SEMA6D: variants seen among roughly 807,000 people sequenced by gnomAD.
SEMA6D encodes the protein semaphorin-6D.
In SEMA6D, 35 loss-of-function variants were observed where a neutral mutation model predicts 106.6. The ratio of observed to expected loss-of-function variants is 0.33; its 90% CI spans 0.25 to 0.44. The LOEUF (loss-of-function observed/expected upper bound fraction) is 0.44, where lower values mean the gene tolerates loss of function less well. Among genes scored for constraint, SEMA6D ranks in the 20% least tolerant of loss-of-function variants. SEMA6D has a pLI of 1.00. For missense variants in SEMA6D, 1,185 were observed against 1,345.9 expected (o/e 0.88, Z 1.87); for synonymous variants, 499 against 487.7 (o/e 1.02, Z -0.31).
chr15:47,229,567 A>G lies in SEMA6D; in HGVS notation c.-239+45149A>G, dbSNP rs1441016755. Among the ~76,000 whole-genome samples the G allele has an allele frequency of 2.7e-5, 4 of 150,184 alleles. No homozygotes were observed. In the Admixed American group the frequency reaches 2.7e-4, roughly 10 times the overall value. ...CTTTATTTCCCATTTGTCTGCTGTCATTTGTCCAGACTCTATACTTTATAT... is the reference window on the plus strand; with the variant it reads ...CTTTATTTCCCATTTGTCTGCTGTCGTTTGTCCAGACTCTATACTTTATAT... On this transcript the variant is annotated intron_variant, in intron 1 of 19. Coordinates refer to the SEMA6D transcript ENST00000558014.
chr15:47,526,460 T>G (rs1195892205), intron 3 of SEMA6D, among the ~76,000 whole-genome samples: 3 of 152,190 alleles, frequency 2.0e-5, no homozygotes, highest in African/African-American at 7.2e-5. Context: ...GGGGCACTAC[T>G]GGGAACCTGA....
At chr15:47,436,193 C>G (rs1356351949) in intron 2 of SEMA6D, among the ~76,000 whole-genome samples, 1 of 152,034 alleles carries the variant, frequency 6.6e-6, no homozygotes, top group Non-Finnish European at 1.5e-5. Flanking sequence ...AGTTCCAGAC[C>G]AGACTGGCCA....
At chr15:47,692,627 T>C (rs2078613938) in intron 4 of SEMA6D, among the ~76,000 whole-genome samples, 1 of 152,200 alleles carries the variant, frequency 6.6e-6, no homozygotes, top group Non-Finnish European at 1.5e-5. Flanking sequence ...AGCAGACTCA[T>C]GTAAACCTGC....
intron 1 of SEMA6D, among the ~76,000 whole-genome samples, chr15:47,257,996 C>T (rs1394882323): frequency 2.0e-5 from 3 of 152,128 alleles, no homozygotes; most frequent in Non-Finnish European, 2.9e-5. Flanking sequence ...TATCATTATA[C>T]TTATCTCTAA....
rs140899676 is a variant in SEMA6D at position 47,640,223 on chromosome 15, G to A, written c.-55+39327G>A. 5.7e-3 allele frequency among the ~76,000 whole-genome samples: 861 copies of A among 152,258 alleles called. 5 individuals are homozygous for A. Among genetic ancestry groups the A allele is most frequent in the African/African-American group, 0.02 (833 of 41,548 alleles). ...GGACACCAGGGATAATTCACAGTGT[G>A]GGGAACCAACAGGCTTGAGCGAGGA... On this transcript the variant is annotated intron_variant, in intron 4 of 19. Coordinates refer to the SEMA6D transcript ENST00000558014.
chr15:47,362,450 C>T (rs979616336), intron 1 of SEMA6D, among the ~76,000 whole-genome samples: 1 of 152,104 alleles, frequency 6.6e-6, no homozygotes, highest in African/African-American at 2.4e-5. Flanking sequence ...CAGAGGTGCC[C>T]CGGGTTCTCC....
chr15:47,751,758 A>C (rs1014663256), intron 1 of SEMA6D, among the ~76,000 whole-genome samples: 3 of 152,162 alleles, frequency 2.0e-5, no homozygotes, highest in African/African-American at 7.2e-5. Flanking sequence ...TTCAGGACAC[A>C]TGGTTCATTC....
At chr15:47,544,939 A>C (rs1385078767) in intron 3 of SEMA6D, among the ~76,000 whole-genome samples, 2 of 152,132 alleles carry the variant, frequency 1.3e-5, no homozygotes, top group East Asian at 1.9e-4. Flanking sequence ...TAACTTTTAG[A>C]GATAACTATA....
At position 47,326,793 on chromosome 15, in the gene SEMA6D, C is replaced by A. The variant is rs913303330; in HGVS notation, c.-238-85600C>A. Among the ~76,000 whole-genome samples the A allele has an allele frequency of 2.0e-5, 3 of 152,130 alleles. No individual in the cohort carries two copies. The South Asian group carries it at 6.2e-4, about 31-fold the overall frequency. On this transcript the variant is annotated intron_variant, in intron 1 of 19. Transcript: ENST00000558014. ...TTGTCAGCGGAGAAAGAAATTCTCCCATGCCAGATTCTGTTTGCTCCCCTC... is the reference window on the plus strand; with the variant it reads ...TTGTCAGCGGAGAAAGAAATTCTCCAATGCCAGATTCTGTTTGCTCCCCTC...
chr15:47,429,797 T>C (rs573342015), intron 2 of SEMA6D, among the ~76,000 whole-genome samples: 2 of 152,144 alleles, frequency 1.3e-5, no homozygotes, highest in African/African-American at 4.8e-5. Flanking sequence ...TCTGTGGGAG[T>C]TTTGAAGTTT....
intron 1 of SEMA6D, among the ~76,000 whole-genome samples, chr15:47,370,472 GC>G (rs2039227405): frequency 6.6e-6 from 1 of 151,982 alleles, no homozygotes; most frequent in African/African-American, 2.4e-5. Flanking sequence ...CCGACATCGA[GC>G]CACTGCACTG....
chr15:47,489,460 A>G (rs1404922651), intron 3 of SEMA6D, among the ~76,000 whole-genome samples: 3 of 152,140 alleles, frequency 2.0e-5, no homozygotes, highest in Non-Finnish European at 4.4e-5. Flanking sequence ...AGTACTCACT[A>G]TGTGTCAAAA....
intron 11 of SEMA6D, among the ~76,000 whole-genome samples, 154 bp downstream of exon 11, chr15:47,764,459 G>A (rs2082229339): frequency 6.6e-6 from 1 of 152,162 alleles, no homozygotes; most frequent in Admixed American, 6.5e-5. Flanking sequence ...TGACCTGCAA[G>A]CCCATGAGTG....
At chr15:47,728,968 C>T (rs1022460783) in intron 1 of SEMA6D, among the ~76,000 whole-genome samples, 8 of 152,190 alleles carry the variant, frequency 5.3e-5, no homozygotes, top group African/African-American at 1.7e-4. Flanking sequence ...GAGTCCCTCT[C>T]GCCATGTAAG....
chr15:47,487,127 C>G (rs554910392), intron 3 of SEMA6D, among the ~76,000 whole-genome samples: 1 of 152,108 alleles, frequency 6.6e-6, no homozygotes, highest in African/African-American at 2.4e-5. Flanking sequence ...TTCGTAAAGA[C>G]AATCAAACAA....
intron 4 of SEMA6D, among the ~76,000 whole-genome samples, chr15:47,654,173 C>CT (rs2077747496): frequency 6.6e-6 from 1 of 152,166 alleles, no homozygotes; most frequent in African/African-American, 2.4e-5. Context: ...TAGTTTAATT[C>CT]AGTGGTGCTA....
At chr15:47,376,629 G>C (rs184522721) in intron 1 of SEMA6D, among the ~76,000 whole-genome samples, 1 of 152,330 alleles carries the variant, frequency 6.6e-6, no homozygotes, top group East Asian at 1.9e-4. Flanking sequence ...TCTTTCTGCA[G>C]AGCTTGCTAA....
intron 1 of SEMA6D, among the ~76,000 whole-genome samples, chr15:47,303,978 A>G (rs1349515520): frequency 6.6e-6 from 1 of 152,166 alleles, no homozygotes; most frequent in African/African-American, 2.4e-5. Context: ...GAACACACGG[A>G]TAACTACATA....
chr15:47,716,926 G>A (rs1396122407), upstream of SEMA6D: 2 of 136,872 alleles, frequency 1.5e-5, no homozygotes, highest in African/African-American at 5.4e-5. Flanking sequence ...AAGAGAAATG[G>A]GGGGCGGGGG....
Sources: gnomAD v4.1 joint callset for allele counts (sites outside exome capture counted in the v4.1 genomes callset) on GRCh38, gnomAD v4.1.1 for gene constraint, MANE v1.5 for transcripts, NCBI Gene and HGNC (gene_info 2026-07-23, HGNC 2026-07-21) for gene names.